Variants in AIG1 observed in about 807,000 individuals in gnomAD.
AIG1 encodes the protein androgen induced 1.
In AIG1, 23 loss-of-function variants were observed where a neutral mutation model predicts 31.4. The ratio of observed to expected loss-of-function variants is 0.73; its 90% CI spans 0.53 to 1.04. The LOEUF is 1.04. AIG1 is among the 50% of genes least tolerant of loss of function. The probability of loss-of-function intolerance (pLI) is 0.00; values close to 1 mark genes in which losing one functional copy is unlikely to be tolerated. For synonymous variants in AIG1, 100 were observed against 110.5 expected (o/e 0.90, Z 0.60); for missense variants, 274 against 295.0 (o/e 0.93, Z 0.52).
At chr6:143,162,909 G>A (rs531502162) in intron 2 of AIG1, among the ~76,000 whole-genome samples, 27 of 152,042 alleles carry the variant, frequency 1.8e-4, no homozygotes, top group Non-Finnish European at 3.2e-4. Flanking sequence ...TGCATGCTCC[G>A]CATAGGCAAG....
intron 3 of AIG1, among the ~76,000 whole-genome samples, chr6:143,213,624 G>T: frequency 6.9e-6 from 1 of 144,570 alleles, no homozygotes; most frequent in Admixed American, 7.3e-5. Flanking sequence ...TCAAGCGATC[G>T]TCCTCCCTCA....
chr6:143,188,663 A>G, intron 3 of AIG1: 1 of 984,422 alleles, frequency 1.0e-6, no homozygotes, highest in South Asian at 4.7e-5. Context: ...CAAATAATAA[A>G]TAAATAAATA....
At chr6:143,187,100 G>A (rs1226264397) in intron 3 of AIG1, among the ~76,000 whole-genome samples, 2 of 152,042 alleles carry the variant, frequency 1.3e-5, no homozygotes, top group Non-Finnish European at 2.9e-5. Context: ...AAACTGCCCC[G>A]GTAGAAATAT....
chr6:143,277,399 C>T (rs917852989), intron 3 of AIG1, among the ~76,000 whole-genome samples: 24 of 152,298 alleles, frequency 1.6e-4, no homozygotes, highest in South Asian at 4.2e-4. Context: ...CCAGTCACAT[C>T]GCTGGCCCTG....
intron 3 of AIG1, among the ~76,000 whole-genome samples, chr6:143,185,068 C>T (rs1380278871): frequency 1.3e-5 from 2 of 151,916 alleles, no homozygotes; most frequent in Admixed American, 6.6e-5. Context: ...TGGTGGTGCA[C>T]GCCTGTAGTC....
At chr6:143,149,383 C>G (rs1183322672) in intron 2 of AIG1, among the ~76,000 whole-genome samples, 1 of 151,346 alleles carries the variant, frequency 6.6e-6, no homozygotes, top group Non-Finnish European at 1.5e-5. Context: ...AAAAATTAGC[C>G]AGGCGTGGTG....
At chr6:143,227,083 A>G (rs1239609974) in intron 3 of AIG1, among the ~76,000 whole-genome samples, 1 of 149,996 alleles carries the variant, frequency 6.7e-6, no homozygotes, top group Non-Finnish European at 1.5e-5. Context: ...AATGTGGCCC[A>G]GAGAAGCCAA....
intron 2 of AIG1, among the ~76,000 whole-genome samples, chr6:143,141,195 C>G (rs1784219371): frequency 1.3e-5 from 2 of 152,152 alleles, no homozygotes; most frequent in African/African-American, 4.8e-5. Flanking sequence ...CCTATTGGCC[C>G]CTGAGCTTTT....
intron 3 of AIG1, among the ~76,000 whole-genome samples, chr6:143,217,994 T>G (rs1792167864): frequency 6.6e-6 from 1 of 152,238 alleles, no homozygotes; most frequent in Non-Finnish European, 1.5e-5. Flanking sequence ...TCAGCACTCA[T>G]GCAATAGAAG....
In AIG1 at chr6:143,333,398, A is replaced by G. The variant is rs1479133803; in HGVS notation, c.632A>G (p.Tyr211Cys). Reference sequence around the variant, plus strand: ...ACAACCATCTTAATGAACTTCCTGTACCTGCTGGGAGAAGTTCTGAACAAC... The same window carrying G: ...ACAACCATCTTAATGAACTTCCTGTGCCTGCTGGGAGAAGTTCTGAACAAC... The part of the protein sequence containing the change: ...GSTTILMNFL[Y>C]LLGEVLNNYI... Residue 211 changes from tyrosine (Y) to cysteine (C), a missense_variant, in exon 5 of 6, where the codon TAC becomes TGC. Physicochemically the swap from Tyr to Cys is radical, Grantham distance 194 (BLOSUM62 -2). Transcript: ENST00000357847. The surrounding 1 kb of genome is among the most constrained non-coding windows in gnomAD (Gnocchi z 4.6). 1 of 1,613,724 alleles carries G rather than the reference A, an allele frequency of 6.2e-7. No homozygotes were observed. The highest frequency in any genetic ancestry group is 8.5e-7 in the Non-Finnish European group (1 of 1,179,936).
chr6:143,184,911 A>G (rs1005614898), intron 3 of AIG1, among the ~76,000 whole-genome samples: 14 of 152,086 alleles, frequency 9.2e-5, no homozygotes, highest in Non-Finnish European at 1.5e-4. Flanking sequence ...AAAATATTCA[A>G]TCTCGGCTGA....
At chr6:143,320,710 C>T (rs1776136574) in intron 4 of AIG1, among the ~76,000 whole-genome samples, 1 of 151,598 alleles carries the variant, frequency 6.6e-6, no homozygotes, top group Non-Finnish European at 1.5e-5. Context: ...AGGTGTTGGT[C>T]AAAGGGTACA....
At chr6:143,118,733 T>C (rs908230446) in intron 1 of AIG1, among the ~76,000 whole-genome samples, 1 of 152,196 alleles carries the variant, frequency 6.6e-6, no homozygotes, top group African/African-American at 2.4e-5. Context: ...TGACTGATAG[T>C]GCTAATAAGT....
intron 2 of AIG1, among the ~76,000 whole-genome samples, chr6:143,140,382 TC>T (rs1784146706): frequency 6.6e-6 from 1 of 152,226 alleles, no homozygotes. Context: ...TCTTTCTGTC[TC>T]TAATGTTATT....
intron 5 of AIG1, chr6:143,335,097 C>A: frequency 1.4e-6 from 2 of 1,442,316 alleles, no homozygotes; most frequent in African/African-American, 1.4e-5. Flanking sequence ...GTTAGTTCCA[C>A]AAAGACAGAT....
intron 1 of AIG1, among the ~76,000 whole-genome samples, chr6:143,106,111 G>A (rs1482366255): frequency 6.6e-6 from 1 of 152,166 alleles, no homozygotes; most frequent in Admixed American, 6.5e-5. Flanking sequence ...TTTAGGTGAG[G>A]TCATCCTGGA....
At chr6:143,270,704 C>A (rs1460348305) in intron 3 of AIG1, among the ~76,000 whole-genome samples, 1 of 152,184 alleles carries the variant, frequency 6.6e-6, no homozygotes, top group Non-Finnish European at 1.5e-5. Context: ...GTTAGTATTT[C>A]TCTAAGAGCT....
intron 1 of AIG1, among the ~76,000 whole-genome samples, chr6:143,094,892 T>G (rs1415390115): frequency 6.6e-6 from 1 of 152,128 alleles, no homozygotes; most frequent in African/African-American, 2.4e-5. Flanking sequence ...TTCAGAATCC[T>G]CACTATATTG....
intron 3 of AIG1, among the ~76,000 whole-genome samples, chr6:143,250,733 C>T (rs1794951067): frequency 6.6e-6 from 1 of 152,184 alleles, no homozygotes; most frequent in South Asian, 2.1e-4. Flanking sequence ...GTCCAACCCA[C>T]AGCCCATGGG....
Sources: allele counts gnomAD v4.1 joint callset (sites outside exome capture counted in the v4.1 genomes callset), GRCh38; gene constraint gnomAD v4.1.1; non-coding constraint Gnocchi (gnomAD v3.1); transcripts MANE v1.5; gene names NCBI Gene and HGNC (gene_info 2026-07-23, HGNC 2026-07-21).